CACNA1I: variants seen among roughly 807,000 people sequenced by gnomAD.
CACNA1I encodes the protein voltage-dependent T-type calcium channel subunit alpha-1I.
CACNA1I carries 74 observed loss-of-function variants against 201.6 expected under a neutral mutation model. The ratio of observed to expected loss-of-function variants is 0.37; its 90% CI spans 0.30 to 0.45. CACNA1I has a LOEUF of 0.45. Ranked by LOEUF, CACNA1I falls within the 20% of genes least tolerant of loss-of-function variation. CACNA1I has a pLI of 1.00. For missense variants in CACNA1I, 2,346 were observed against 3,138.1 expected, an observed-to-expected ratio of 0.75 and a Z score of 6.03; for synonymous variants, 1,431 against 1,345.2, an observed-to-expected ratio of 1.06 and a Z score of -1.40.
intron 1 of CACNA1I, among the ~76,000 whole-genome samples, chr22:39,577,401 G>T (rs1024235744): frequency 6.6e-6 from 1 of 152,138 alleles, no homozygotes; most frequent in South Asian, 2.1e-4. Flanking sequence ...CCTGCCTCTC[G>T]CATCCACTGG....
intron 10 of CACNA1I, among the ~76,000 whole-genome samples, chr22:39,651,299 G>A (rs1445892642): frequency 1.3e-5 from 2 of 152,198 alleles, no homozygotes; most frequent in Admixed American, 6.5e-5. Context: ...CCTGCATGCC[G>A]CACCCCATGG....
chr22:39,646,318 G>A (rs542337192), intron 7 of CACNA1I, among the ~76,000 whole-genome samples: 11 of 151,618 alleles, frequency 7.3e-5, no homozygotes, highest in Admixed American at 3.9e-4. Context: ...CTTTGTCATC[G>A]CGTCTCTGTA....
chr22:39,620,987 A>G (rs1263113670), intron 4 of CACNA1I, among the ~76,000 whole-genome samples: 1 of 151,920 alleles, frequency 6.6e-6, no homozygotes, highest in Admixed American at 6.6e-5. Context: ...CGAACTCCTG[A>G]CCTCAGGTGA....
intron 1 of CACNA1I, among the ~76,000 whole-genome samples, chr22:39,594,532 G>A (rs1241701668): frequency 3.3e-5 from 5 of 152,174 alleles, no homozygotes; most frequent in African/African-American, 1.2e-4. Context: ...AGTGGCAGTG[G>A]GGTGAGGGGA....
intron 4 of CACNA1I, among the ~76,000 whole-genome samples, chr22:39,630,713 G>A (rs1195787585): frequency 6.6e-6 from 1 of 152,246 alleles, no homozygotes; most frequent in Non-Finnish European, 1.5e-5. Flanking sequence ...CACCAGACAA[G>A]GCGACCGCTC....
chr22:39,638,231 C>T (rs1219844445), intron 5 of CACNA1I, among the ~76,000 whole-genome samples: 5 of 152,212 alleles, frequency 3.3e-5, no homozygotes, highest in East Asian at 1.9e-4. Flanking sequence ...TGAGCCACTG[C>T]GCCTGGCCCC....
rs755953027 is a variant in CACNA1I, at chr22:39,686,348, G to A, written c.6615G>A (p.Pro2205=). Residue 2205 remains proline, a synonymous_variant, in exon 37 of 37, where the codon CCG becomes CCA. Coordinates refer to ENST00000402142, the MANE Select transcript of CACNA1I (RefSeq NM_021096.4). ...GCCTGGGCCCCTTGGCGCCCCCGCC[G>A]CAACCGCTCCCCGGAGAGCTGGAGC... ...PMGLGPLAPP[P]QPLPGELEPG... 3.0e-6 allele frequency: 4 copies of A among 1,313,538 alleles called. No individual in the cohort carries two copies. The highest frequency in any genetic ancestry group is 7.5e-5 in the Admixed American group (2 of 26,518). The allele number at this position is 1,313,538 out of a possible 1,614,324, so 81.4% of individuals were successfully genotyped here. A position where few individuals can be genotyped will look rare whatever the true frequency, so the allele number is the denominator to read the frequency against.
At chr22:39,620,582 C>T (rs748709862) in intron 4 of CACNA1I, among the ~76,000 whole-genome samples, 9 of 152,186 alleles carry the variant, frequency 5.9e-5, no homozygotes, top group African/African-American at 1.2e-4. Context: ...CTTGGAGACA[C>T]GAGGTTACCT....
chr22:39,637,479 C>T (rs1026926567), intron 5 of CACNA1I, among the ~76,000 whole-genome samples: 3 of 152,086 alleles, frequency 2.0e-5, no homozygotes, highest in Non-Finnish European at 4.4e-5. Flanking sequence ...CCCAGCCTGG[C>T]GTTCAGGGTC....
At chr22:39,595,220 C>T (rs1006452557) in intron 1 of CACNA1I, among the ~76,000 whole-genome samples, 4 of 151,778 alleles carry the variant, frequency 2.6e-5, no homozygotes, top group South Asian at 2.1e-4. Flanking sequence ...ACCTGGGAGA[C>T]GGAGGTTGCA....
intron 21 of CACNA1I, 38 bp downstream of exon 21, chr22:39,664,961 T>A (rs747240632): frequency 8.2e-6 from 13 of 1,592,438 alleles, no homozygotes; most frequent in Non-Finnish European, 1.1e-5. Context: ...GAAAGTGTCA[T>A]GCACTGTACC....
chr22:39,578,345 T>G (rs1932429020), intron 1 of CACNA1I, among the ~76,000 whole-genome samples: 1 of 152,122 alleles, frequency 6.6e-6, no homozygotes, highest in Non-Finnish European at 1.5e-5. Context: ...TCTGAACTAT[T>G]AGGAAGTCCT....
rs1018304546 is a variant in CACNA1I at position 39,646,859 on chromosome 22, C to T, written c.1440C>T (p.His480=). The T allele has an allele frequency of 1.5e-5, 22 of 1,511,618 alleles. No homozygotes were observed. The highest frequency in any genetic ancestry group is 7.0e-5 in the African/African-American group (5 of 71,192). The allele number at this position is 1,511,618 out of a possible 1,614,324, so 93.6% of individuals were successfully genotyped here. ...EAPAPAKPGP[H]AKEPRHYHGK... ...CGGCCCCCGCCAAACCTGGGCCCCA[C>T]GCCAAGGAGCCCCGGCACTACCGTA... The change falls in exon 8 of 37, where the codon CAC becomes CAT. Residue 480 remains histidine, a synonymous_variant. Coordinates refer to ENST00000402142, the MANE Select transcript of CACNA1I (RefSeq NM_021096.4).
intron 1 of CACNA1I, among the ~76,000 whole-genome samples, chr22:39,580,696 C>T (rs1932520493): frequency 6.6e-6 from 1 of 152,108 alleles, no homozygotes; most frequent in Admixed American, 6.5e-5. Flanking sequence ...AGAGCTTACA[C>T]TTGGTCTTGT....
chr22:39,679,630 CA>C, intron 32 of CACNA1I, 91 bp from the exon 33 acceptor site: 4 of 1,306,474 alleles, frequency 3.1e-6, no homozygotes. Flanking sequence ...CGCAGAGAAC[CA>C]ACCGGGAGGG....
chr22:39,620,620 C>T lies in CACNA1I; in HGVS notation c.580+1213C>T, dbSNP rs565748848. Among the ~76,000 whole-genome samples the T allele has an allele frequency of 7.2e-5, 11 of 152,314 alleles. No homozygotes were observed. The South Asian group carries it at 2.3e-3, about 32-fold the overall frequency. ...CCAGGGACGCACTGCCAGTGAGTAG[C>T]AAAGGCTGGAGTCAGTTAGGTCTTC... On this transcript the variant is annotated intron_variant, in intron 4 of 36. Coordinates refer to ENST00000402142, the MANE Select transcript of CACNA1I (RefSeq NM_021096.4).
intron 17 of CACNA1I, 64 bp downstream of exon 17, chr22:39,662,499 C>A: frequency 8.0e-7 from 1 of 1,244,240 alleles, no homozygotes; most frequent in Non-Finnish European, 1.1e-6. Flanking sequence ...GGGTGCGGCC[C>A]CAGGAGGCGG....
At chr22:39,656,865 C>A (rs910248593) in intron 10 of CACNA1I, among the ~76,000 whole-genome samples, 1 of 152,186 alleles carries the variant, frequency 6.6e-6, no homozygotes, top group African/African-American at 2.4e-5. Context: ...CAAATCAGGT[C>A]TCAACGACAG....
intron 3 of CACNA1I, 59 bp from the exon 4 acceptor site, chr22:39,619,251 G>A (rs934467233): frequency 6.0e-6 from 8 of 1,334,128 alleles, no homozygotes; most frequent in East Asian, 2.3e-5. Context: ...GCTGTGGCCC[G>A]GGCCCTGGCC....
Sources: allele counts gnomAD v4.1 joint callset (sites outside exome capture counted in the v4.1 genomes callset), GRCh38; gene constraint gnomAD v4.1.1; transcripts MANE v1.5; gene names NCBI Gene and HGNC (gene_info 2026-07-23, HGNC 2026-07-21).